The following IGDCC4 variants were observed in gnomAD, a reference collection of about 807,000 sequenced individuals.
IGDCC4 encodes immunoglobulin superfamily DCC subclass member 4, also known as likely ortholog of mouse neighbor of Punc E11.
A neutral mutation model predicts 116.6 loss-of-function variants in IGDCC4; 72 were observed. The ratio of observed to expected loss-of-function variants is 0.62; its 90% CI spans 0.51 to 0.75. IGDCC4 has a LOEUF of 0.75. Among genes scored for constraint, IGDCC4 ranks in the 30% least tolerant of loss-of-function variants. IGDCC4 has a pLI of 0.00. For missense variants in IGDCC4, 1,501 were observed against 1,662.4 expected (o/e 0.90, Z 1.69); for synonymous variants, 709 against 719.9 (o/e 0.98, Z 0.24).
chr15:65,411,387 C>G lies in IGDCC4; in HGVS notation c.71-17G>C, dbSNP rs1419177199. ...GCAGCTCCCCTGCATAGAGGAGGAG[C>G]ACGGGGCCATCAGTGTATGTCCCCC... is the stretch of plus-strand genomic sequence containing the variant. On this transcript the variant is annotated splice_polypyrimidine_tract_variant and intron_variant, in intron 1 of 19. Coordinates refer to ENST00000352385, the MANE Select transcript of IGDCC4 (RefSeq NM_020962.3). 1 of 1,534,728 alleles carries G rather than the reference C, an allele frequency of 6.5e-7. No homozygotes were observed. The highest frequency in any genetic ancestry group is 1.4e-5 in the African/African-American group (1 of 73,086).
At chr15:65,394,607 G>A in intron 8 of IGDCC4, 59 bp from the exon 9 acceptor site, 14 of 1,516,922 alleles carry the variant, frequency 9.2e-6, no homozygotes, top group Non-Finnish European at 1.2e-5. Flanking sequence ...GTGAGGCTCG[G>A]GAGCGGTCAG....
intron 2 of IGDCC4, chr15:65,410,604 G>A (rs1595792210): frequency 2.0e-6 from 1 of 505,146 alleles, no homozygotes; most frequent in Non-Finnish European, 3.6e-6. Context: ...ACTTCATGGT[G>A]ATCTGTGCCT....
chr15:65,391,656 C>T (rs2091515963), intron 12 of IGDCC4, among the ~76,000 whole-genome samples: 1 of 152,180 alleles, frequency 6.6e-6, no homozygotes, highest in African/African-American at 2.4e-5. Context: ...ATGGGTAATG[C>T]AAATAAGGTG....
At chr15:65,415,194 G>A (rs568665039) in intron 1 of IGDCC4, among the ~76,000 whole-genome samples, 14 of 152,328 alleles carry the variant, frequency 9.2e-5, no homozygotes, top group African/African-American at 2.9e-4. Context: ...TTGGGTTTCA[G>A]GGGAGAAAAC....
chr15:65,418,650 C>A, intron 1 of IGDCC4, among the ~76,000 whole-genome samples: 1 of 152,004 alleles, frequency 6.6e-6, no homozygotes. Context: ...GGTTTTCCTT[C>A]CCTGGCCCCC....
intron 1 of IGDCC4, among the ~76,000 whole-genome samples, chr15:65,412,153 A>G (rs927587551): frequency 1.3e-5 from 2 of 152,112 alleles, no homozygotes; most frequent in African/African-American, 4.8e-5. Flanking sequence ...TAGAAGTTCC[A>G]GGCTACAGTG....
At position 65,410,315 on chromosome 15, in the gene IGDCC4, G is replaced by A. The variant is rs755872217; in HGVS notation, c.426C>T (p.Leu142=). 11 of 1,613,876 alleles carry A rather than the reference G, an allele frequency of 6.8e-6. No homozygotes were observed. Among genetic ancestry groups the A allele is most frequent in the East Asian group, 2.2e-5 (1 of 44,894 alleles). Residue 142 remains leucine (L), a synonymous_variant, in exon 3 of 20, where the codon CTC becomes CTT. Transcript: ENST00000352385. ...SQTAVVKLAT[L]ADFSLHPESQ... ...ACTCCGGGTGCAGAGAGAAGTCTGC[G>A]AGTGCTGGGGACAGTGAGACACAGG...
rs190714752 is a variant in IGDCC4 at position 65,393,114 on chromosome 15, C to T, written c.1885+247G>A. Among the ~76,000 whole-genome samples the T allele has an allele frequency of 3.9e-5, 6 of 152,296 alleles. No individual in the cohort carries two copies. The East Asian group carries it at 9.6e-4, about 24-fold the overall frequency. On this transcript the variant is annotated intron_variant, in intron 10 of 19. Transcript: ENST00000352385. This position sits in a 1 kb window ranked among gnomAD's most constrained non-coding sequence, Gnocchi z 4.6. ...TTAGTTACAATACATTATTCAACCT[C>T]ATGCCATTCCTGGGCAGTAAATGAA...
At position 65,400,846 on chromosome 15, in the gene IGDCC4, G is replaced by A. The variant is rs766150502; in HGVS notation, c.801C>T (p.Ala267=). ...ACACAAAAGGGGTGGGGTCAGCTGA[G>A]GCCACACATTCCATCACCACACTCT... ...SGQSVVMECV[A]SADPTPFVSW... is the part of the protein sequence containing the mutation. Residue 267 remains alanine (A), a synonymous_variant, in exon 5 of 20, where the codon GCC becomes GCT. Coordinates refer to ENST00000352385, the MANE Select transcript of IGDCC4 (RefSeq NM_020962.3). The A allele has an allele frequency of 1.2e-6, 2 of 1,613,536 alleles. No homozygotes were observed. The highest frequency in any genetic ancestry group is 1.1e-5 in the South Asian group (1 of 91,016).
chr15:65,385,934 G>A lies in IGDCC4; in HGVS notation c.3077C>T (p.Pro1026Leu). 1 of 1,611,402 alleles carries A rather than the reference G, an allele frequency of 6.2e-7. No individual in the cohort carries two copies. The highest frequency in any genetic ancestry group is 8.5e-7 in the Non-Finnish European group (1 of 1,179,362). The change falls in exon 18 of 20, where the codon CCC becomes CTC. Residue 1026 changes from proline to leucine, a missense_variant. By Grantham distance (98) the Pro-to-Leu change is moderately conservative (BLOSUM62 -3). Around this residue, in one of 3 missense-constraint regions of IGDCC4, gnomAD observed 368 missense variants for 355.6 expected, o/e 1.03. Transcript: ENST00000352385. ...TGAGGGTGGCGGGGACCAGTCCTGG[G>A]GATGGGGGTGCACAAGGGACTCCAA... ...HELESLVHPH[P>L]QDWSPPPSDV...
intron 10 of IGDCC4, 39 bp from the exon 11 acceptor site, chr15:65,392,409 A>G: frequency 7.0e-7 from 1 of 1,434,144 alleles, no homozygotes; most frequent in East Asian, 2.4e-5. Context: ...ATTAAGGAAC[A>G]GAATGCAGAA....
chr15:65,422,857 C>T lies in IGDCC4; in HGVS notation c.6G>A (p.Ala2=). 1.7e-6 allele frequency: 2 copies of T among 1,183,648 alleles called. No homozygotes were observed. Among genetic ancestry groups the T allele is most frequent in the Non-Finnish European group, 2.1e-6 (2 of 953,988 alleles). 73.3% of individuals were successfully genotyped at this position (1,183,648 alleles called of 1,614,324 possible). Residue 2 remains alanine (A), a synonymous_variant, in exon 1 of 20, where the codon GCG becomes GCA. Transcript: ENST00000352385. M[A]RGDAGRGRGL... is the part of the protein sequence containing the mutation. ...CGCGGCCGCGGCCGGCGTCCCCCCG[C>T]GCCATGGGGCTGGGCTCGGGCCGCC...
At chr15:65,398,643 C>T (rs1042556601) in intron 5 of IGDCC4, among the ~76,000 whole-genome samples, 2 of 151,750 alleles carry the variant, frequency 1.3e-5, no homozygotes, top group East Asian at 3.9e-4. Flanking sequence ...CTTTGGGAGG[C>T]CAAGGTGGGC....
At chr15:65,386,081 A>T (rs1271123766) in intron 17 of IGDCC4, 22 bp from the exon 18 acceptor site, 7 of 1,422,962 alleles carry the variant, frequency 4.9e-6, no homozygotes, top group Non-Finnish European at 6.6e-6. Context: ...GACGGAAAAC[A>T]AGGCATAGCG....
At position 65,392,298 on chromosome 15, in the gene IGDCC4, G is replaced by A; in HGVS notation, c.1958C>T (p.Pro653Leu). Reference protein sequence around the residue: ...ESLVVSWQPPPHPTQISGYKL... With the variant: ...ESLVVSWQPPLHPTQISGYKL... ...GTAGCCAGAGATCTGGGTGGGGTGA[G>A]GGGGTGGCTGCCATGACACGACCAG... Residue 653 changes from proline to leucine, a missense_variant, in exon 11 of 20, where the codon CCT becomes CTT. This residue lies in a region of IGDCC4 where 898 missense variants were observed against 978.9 expected (regional missense o/e 0.92). Transcript: ENST00000352385. 2 of 1,596,600 alleles carry A rather than the reference G, an allele frequency of 1.3e-6. No homozygotes were observed. Among genetic ancestry groups the A allele is most frequent in the Non-Finnish European group, 1.7e-6 (2 of 1,168,840 alleles).
intron 5 of IGDCC4, among the ~76,000 whole-genome samples, chr15:65,398,713 A>T (rs1032057707): frequency 6.6e-6 from 1 of 151,840 alleles, no homozygotes; most frequent in African/African-American, 2.4e-5. Context: ...GACACGGTGA[A>T]ACCCAGTCTC....
At chr15:65,415,040 G>A (rs2063130279) in intron 1 of IGDCC4, among the ~76,000 whole-genome samples, 1 of 152,210 alleles carries the variant, frequency 6.6e-6, no homozygotes, top group South Asian at 2.1e-4. Flanking sequence ...GGCTGTACAA[G>A]TGCTATTTGC....
rs887959446 is a variant in IGDCC4 at position 65,393,127 on chromosome 15, G to A, written c.1885+234C>T. Among the ~76,000 whole-genome samples the A allele has an allele frequency of 5.9e-5, 9 of 152,072 alleles. No homozygotes were observed. The highest frequency in any genetic ancestry group is 2.2e-4 in the African/African-American group (9 of 41,410). The stretch of plus-strand genomic sequence containing the variant: ...ATTATTCAACCTCATGCCATTCCTG[G>A]GCAGTAAATGAAGCCTCAGAATGGT... On this transcript the variant is annotated intron_variant, in intron 10 of 19. Transcript: ENST00000352385. This position sits in a 1 kb window ranked among gnomAD's most constrained non-coding sequence, Gnocchi z 4.6.
Position 65,386,071 on chromosome 15 carries a change from G to C in IGDCC4, c.2952-12C>G, listed in dbSNP as rs1473787612. 1.4e-6 allele frequency: 2 copies of C among 1,467,012 alleles called. No homozygotes were observed. The highest frequency in any genetic ancestry group is 2.9e-5 in the African/African-American group (2 of 70,054). The allele number at this position is 1,467,012 out of a possible 1,614,324, so 90.9% of individuals were successfully genotyped here. On this transcript the variant is annotated splice_polypyrimidine_tract_variant and intron_variant, in intron 17 of 19. Transcript: ENST00000352385. ...CTGGGAGGGATTCCCTGGAAGGGAAGACGGAAAACAAGGCATAGCGGTCAG... is the reference window on the plus strand; with the variant it reads ...CTGGGAGGGATTCCCTGGAAGGGAACACGGAAAACAAGGCATAGCGGTCAG...
Sources: allele counts gnomAD v4.1 joint callset (sites outside exome capture counted in the v4.1 genomes callset), GRCh38; gene constraint gnomAD v4.1.1; regional missense constraint gnomAD v4.1.1; non-coding constraint Gnocchi (gnomAD v3.1); transcripts MANE v1.5; gene names NCBI Gene and HGNC (gene_info 2026-07-23, HGNC 2026-07-21).